SPTBN4: variants seen among roughly 807,000 people sequenced by gnomAD.
The protein encoded by SPTBN4 is spectrin beta chain, non-erythrocytic 4.
SPTBN4 carries 96 observed loss-of-function variants against 277.8 expected under a neutral mutation model. The ratio of observed to expected loss-of-function variants is 0.35; its 90% CI spans 0.29 to 0.41. The LOEUF (loss-of-function observed/expected upper bound fraction) is 0.41. SPTBN4 is among the 10% of genes least tolerant of loss of function. SPTBN4 has a pLI of 1.00. For synonymous variants in SPTBN4, 1,481 were observed against 1,580.3 expected, an observed-to-expected ratio of 0.94 and a Z score of 1.49; for missense variants, 3,006 against 3,595.7, an observed-to-expected ratio of 0.84 and a Z score of 4.19.
At chr19:40,526,338 A>G (rs902558016) in intron 17 of SPTBN4, among the ~76,000 whole-genome samples, 3 of 151,500 alleles carry the variant, frequency 2.0e-5, no homozygotes, top group African/African-American at 7.3e-5. Context: ...TGTCCAACTA[A>G]TTTTTGTATT....
chr19:40,506,276 A>G lies in SPTBN4; in HGVS notation c.1706A>G (p.Glu569Gly), dbSNP rs1444910235. 6.2e-7 allele frequency: 1 copy of G among 1,613,900 alleles called. No homozygotes were observed. Among genetic ancestry groups the G allele is most frequent in the South Asian group, 1.1e-5 (1 of 91,032 alleles). The stretch of plus-strand genomic sequence containing the variant: ...CGGGAGTGTGGGCAGCACCTGGTGG[A>G]GGCAGACGACCTGTTGCAGAAGCAT... Reference protein sequence around the residue: ...LSRECGQHLVEADDLLQKHGL... With the variant: ...LSRECGQHLVGADDLLQKHGL... The change falls in exon 13 of 36, where the codon GAG (glutamate) becomes GGG (glycine). Residue 569 changes from glutamate (E) to glycine (G), a missense_variant. Physicochemically the swap from Glu to Gly is moderately conservative, Grantham distance 98. Coordinates refer to ENST00000598249, the MANE Select transcript of SPTBN4 (RefSeq NM_020971.3).
At position 40,513,330 on chromosome 19, in the gene SPTBN4, A is replaced by G; in HGVS notation, c.2541A>G (p.Pro847=). ...ATLGGASGAG[P]LVVALQVRVV... ...TCGGGGGTGCCAGTGGCGCAGGGCC[A>G]CTGGTGGTGGCGCTGCAGGTGCGCG... Residue 847 remains proline, a synonymous_variant, in exon 14 of 36, where the codon CCA becomes CCG. Coordinates refer to ENST00000598249, the MANE Select transcript of SPTBN4 (RefSeq NM_020971.3). 1.9e-6 allele frequency: 3 copies of G among 1,582,256 alleles called. No individual in the cohort carries two copies. The highest frequency in any genetic ancestry group is 1.7e-6 in the Non-Finnish European group (2 of 1,166,958).
At position 40,504,152 on chromosome 19, in the gene SPTBN4, G is replaced by GCCC; in HGVS notation, c.1665+20_1665+21insCCC. The GCCC allele has an allele frequency of 1.1e-6, 1 of 877,172 alleles. No homozygotes were observed. Among genetic ancestry groups the GCCC allele is most frequent in the Non-Finnish European group, 1.8e-6 (1 of 566,452 alleles). The allele number at this position is 877,172 out of a possible 1,614,324, so 54.3% of individuals were successfully genotyped here. A position where few individuals can be genotyped will look rare whatever the true frequency, so the allele number is the denominator to read the frequency against. On this transcript the variant is annotated intron_variant, in intron 12 of 35. Transcript: ENST00000598249. ...ATGCAGGTGCCGGCGGGGGGGCGGG[G>GCCC]ATGCGGGTGGAGTGCCAGGAGGGAG...
intron 20 of SPTBN4, among the ~76,000 whole-genome samples, chr19:40,540,814 C>CAAAAAA (rs58695945): frequency 1.1e-4 from 9 of 79,336 alleles, no homozygotes; most frequent in East Asian, 7.9e-4. Flanking sequence ...ACCCCCATCT[C>CAAAAAA]AAAAAAAAAA....
At chr19:40,553,790 G>A (rs1441220784) in intron 22 of SPTBN4, among the ~76,000 whole-genome samples, 2 of 152,128 alleles carry the variant, frequency 1.3e-5, no homozygotes, top group African/African-American at 4.8e-5. Flanking sequence ...TACCTCGGCT[G>A]CTAAGCTGCA....
chr19:40,486,489 C>A (rs1224478945), intron 2 of SPTBN4, among the ~76,000 whole-genome samples: 1 of 151,922 alleles, frequency 6.6e-6, no homozygotes. Flanking sequence ...CCTGCCTCAG[C>A]CACTCAAGGA....
At chr19:40,509,084 G>GCTTTTTTTTTTTTTTTTTTTTTTT in intron 13 of SPTBN4, among the ~76,000 whole-genome samples, 1 of 118,730 alleles carries the variant, frequency 8.4e-6, no homozygotes, top group Non-Finnish European at 1.7e-5. Context: ...GTTGTTTATT[G>GCTTTTTTTTTTTTTTTTTTTTTTT]CTTTTTTTTT....
chr19:40,479,636 G>A (rs1203438924), intron 2 of SPTBN4, among the ~76,000 whole-genome samples: 1 of 146,026 alleles, frequency 6.8e-6, no homozygotes, highest in Non-Finnish European at 1.5e-5. Flanking sequence ...TTCTTTGCAT[G>A]AGAATAATTT....
chr19:40,515,535 C>A lies in SPTBN4; in HGVS notation c.2903+87C>A. 2 of 1,364,056 alleles carry A rather than the reference C, an allele frequency of 1.5e-6. No homozygotes were observed. Among genetic ancestry groups the A allele is most frequent in the Non-Finnish European group, 9.6e-7 (1 of 1,046,298 alleles). 84.5% of individuals were successfully genotyped at this position (1,364,056 alleles called of 1,614,324 possible). A position where few individuals can be genotyped will look rare whatever the true frequency, so the allele number is the denominator to read the frequency against. On this transcript the variant is annotated intron_variant, in intron 15 of 35. Transcript: ENST00000598249. This position sits in a 1 kb window ranked among gnomAD's most constrained non-coding sequence, Gnocchi z 4.1. Reference sequence around the variant, plus strand: ...GACAGCAAGATGTGCAATCTCAAACCCCTGGAATCATAATGGCCACCCGAT... The same window carrying A: ...GACAGCAAGATGTGCAATCTCAAACACCTGGAATCATAATGGCCACCCGAT...
rs903861414 is a variant in SPTBN4, at chr19:40,527,659, A to C, written c.3858-1382A>C. ...GTGCCAAGGGCCTGAGGCTTGCTCA[A>C]GGCACAGCGAGAAGGGCAGTACAGT... On this transcript the variant is annotated intron_variant, in intron 17 of 35. Coordinates refer to ENST00000598249, the MANE Select transcript of SPTBN4 (RefSeq NM_020971.3). Among the ~76,000 whole-genome samples the C allele has an allele frequency of 2.6e-5, 4 of 152,236 alleles. No homozygotes were observed. The South Asian group carries it at 6.2e-4, about 24-fold the overall frequency.
chr19:40,574,520 C>G (rs1418528338), intron 35 of SPTBN4, among the ~76,000 whole-genome samples: 10 of 151,984 alleles, frequency 6.6e-5, no homozygotes, highest in Admixed American at 6.5e-4. Flanking sequence ...CGCCACCATG[C>G]CCGGCTAATT....
rs1555813692 is a variant in SPTBN4 at position 40,504,137 on chromosome 19, C to CTG, written c.1665+5_1665+6insTG. 7 of 585,348 alleles carry CTG rather than the reference C, an allele frequency of 1.2e-5. No individual in the cohort carries two copies. The highest frequency in any genetic ancestry group is 8.2e-5 in the South Asian group (3 of 36,690). 36.3% of individuals were successfully genotyped at this position (585,348 alleles called of 1,614,324 possible). On this transcript the variant is annotated splice_donor_region_variant and intron_variant, in intron 12 of 35. Transcript: ENST00000598249. ...GACTGGATGGAGGAGATGCAGGTGC[C>CTG]GGCGGGGGGGCGGGGATGCGGGTGG... is the stretch of plus-strand genomic sequence containing the variant.
At chr19:40,551,537 T>TA (rs200464211) in intron 22 of SPTBN4, among the ~76,000 whole-genome samples, 1,893 of 152,232 alleles carry the variant, frequency 0.012, 11 homozygotes, top group Non-Finnish European at 0.019. Flanking sequence ...TTTGAGCTCC[T>TA]AAAAAATCTC....
intron 2 of SPTBN4, among the ~76,000 whole-genome samples, chr19:40,484,882 A>G (rs1374548419): frequency 6.6e-6 from 1 of 152,084 alleles, no homozygotes; most frequent in East Asian, 1.9e-4. Flanking sequence ...CAGTGAGCTG[A>G]GATCGCGCCA....
In SPTBN4 at chr19:40,567,815, A is replaced by G. The variant is rs2081110405; in HGVS notation, c.6489A>G (p.Arg2163=). 2 of 1,515,182 alleles carry G rather than the reference A, an allele frequency of 1.3e-6. No individual in the cohort carries two copies. Among genetic ancestry groups the G allele is most frequent in the African/African-American group, 1.4e-5 (1 of 69,480 alleles). 93.9% of individuals were successfully genotyped at this position (1,515,182 alleles called of 1,614,324 possible). ...GGGGCTTGGAGCCCCTGGCCCGCCG[A>G]GCCTCGGACACGCTCTCGGCCGAGG... ...YERGLEPLAR[R]ASDTLSAEVR... Residue 2163 remains arginine (R), a synonymous_variant, in exon 31 of 36, where the codon CGA becomes CGG. Coordinates refer to ENST00000598249, the MANE Select transcript of SPTBN4 (RefSeq NM_020971.3).
Position 40,516,002 on chromosome 19 carries a change from C to T in SPTBN4, c.2903+554C>T, listed in dbSNP as rs372456510. On this transcript the variant is annotated intron_variant, in intron 15 of 35. Transcript: ENST00000598249. ...ATATACGTATATATACACATATATA[C>T]GTATATATACACACATATACGTATA... Among the ~76,000 whole-genome samples the T allele has an allele frequency of 6.4e-3, 821 of 127,894 alleles. 31 individuals carry two copies. The highest frequency in any genetic ancestry group is 0.03 in the South Asian group (105 of 3,480). The allele number at this position is 127,894 out of a possible 152,430, so 83.9% of individuals were successfully genotyped here.
chr19:40,556,546 T>C (rs2080981101), intron 25 of SPTBN4, among the ~76,000 whole-genome samples: 1 of 152,158 alleles, frequency 6.6e-6, no homozygotes, highest in Non-Finnish European at 1.5e-5. Flanking sequence ...TTGTTACTAT[T>C]CTTGCCAGGT....
At chr19:40,479,335 G>A (rs986210712) in intron 2 of SPTBN4, among the ~76,000 whole-genome samples, 1 of 152,104 alleles carries the variant, frequency 6.6e-6, no homozygotes, top group African/African-American at 2.4e-5. Flanking sequence ...CCCACGTTCA[G>A]TGTGTTCTCC....
At chr19:40,524,459 A>G (rs1040274314) in intron 17 of SPTBN4, 1 of 371,336 alleles carries the variant, frequency 2.7e-6, no homozygotes, top group Non-Finnish European at 5.5e-6. Flanking sequence ...ATGAACTGTG[A>G]TCATATCACT....
Sources: gnomAD v4.1 joint callset for allele counts (sites outside exome capture counted in the v4.1 genomes callset) on GRCh38, gnomAD v4.1.1 for gene constraint, Gnocchi (gnomAD v3.1) non-coding constraint, MANE v1.5 for transcripts, NCBI Gene and HGNC (gene_info 2026-07-23, HGNC 2026-07-21) for gene names.